CNTNAP2: variants seen among roughly 807,000 people sequenced by gnomAD.
CNTNAP2 encodes contactin-associated protein-like 2.
A neutral mutation model predicts 155.2 loss-of-function variants in CNTNAP2; 98 were observed. That is an observed-to-expected ratio of 0.63 (90% CI 0.54 to 0.75). The LOEUF is 0.75. Among genes scored for constraint, CNTNAP2 ranks in the 30% least tolerant of loss-of-function variants. CNTNAP2 has a pLI of 0.00. For missense variants in CNTNAP2, 1,727 were observed against 1,688.1 expected, an observed-to-expected ratio of 1.02 and a Z score of -0.40; for synonymous variants, 651 against 631.2, an observed-to-expected ratio of 1.03 and a Z score of -0.47.
At chr7:146,495,525 GA>G (rs1797201002) in intron 1 of CNTNAP2, among the ~76,000 whole-genome samples, 1 of 148,586 alleles carries the variant, frequency 6.7e-6, no homozygotes, top group Non-Finnish European at 1.5e-5. Context: ...GAATCAAATG[GA>G]AAGTTCTTGC....
Position 147,138,929 on chromosome 7 carries a change from CTG to C in CNTNAP2, c.1348+6424_1348+6425del, listed in dbSNP as rs1356564583. Among the ~76,000 whole-genome samples the C allele has an allele frequency of 4.0e-5, 6 of 151,846 alleles. No homozygotes were observed. The East Asian group carries it at 7.8e-4, about 20-fold the overall frequency. On this transcript the variant is annotated intron_variant, in intron 8 of 23. Coordinates refer to ENST00000361727, the MANE Select transcript of CNTNAP2 (RefSeq NM_014141.6). ...GCAAAAGGTGCCAATGAGAACCAGA[CTG>C]TGTTTCAAAAGCTTCAGTTTACTGT...
chr7:146,693,849 A>G (rs1800738883), intron 1 of CNTNAP2, among the ~76,000 whole-genome samples: 1 of 152,074 alleles, frequency 6.6e-6, no homozygotes, highest in Admixed American at 6.6e-5. Context: ...TAAGCATAGC[A>G]TGCATTAGCT....
chr7:146,330,039 T>TG (rs1293086097), intron 1 of CNTNAP2, among the ~76,000 whole-genome samples: 1 of 143,854 alleles, frequency 7.0e-6, no homozygotes, highest in Non-Finnish European at 1.5e-5. Context: ...TTTTTTTTTT[T>TG]GAGACAGAGT....
intron 11 of CNTNAP2, among the ~76,000 whole-genome samples, chr7:147,558,924 G>A (rs1032035829): frequency 4.6e-5 from 7 of 152,086 alleles, no homozygotes; most frequent in African/African-American, 1.4e-4. Context: ...TGTATTTTTA[G>A]AAAAGACCAG....
chr7:146,913,295 A>T (rs946004226), intron 3 of CNTNAP2, among the ~76,000 whole-genome samples: 8 of 152,154 alleles, frequency 5.3e-5, no homozygotes, highest in Non-Finnish European at 1.0e-4. Context: ...AGGCTGCAAC[A>T]TTGGTGCCTT....
chr7:147,063,817 A>G (rs1031464636), intron 4 of CNTNAP2, among the ~76,000 whole-genome samples: 28 of 152,166 alleles, frequency 1.8e-4, no homozygotes, highest in Non-Finnish European at 1.0e-4. Context: ...TATTTTCAAT[A>G]TCACATTAAA....
rs573457836 is a variant in CNTNAP2, at chr7:146,121,690, A to G, written c.97+4717A>G. ...TGTGTGAAATAAAATAAATTTTTAT[A>G]TTTATATCTGTACCAGTATCTGAAA... On this transcript the variant is annotated intron_variant, in intron 1 of 23. Coordinates refer to ENST00000361727, the MANE Select transcript of CNTNAP2 (RefSeq NM_014141.6). Among the ~76,000 whole-genome samples, 13 of 152,258 alleles carry G rather than the reference A, an allele frequency of 8.5e-5. No individual in the cohort carries two copies. The East Asian group carries it at 2.3e-3, about 27-fold the overall frequency.
At chr7:147,201,717 G>T (rs775591762) in intron 8 of CNTNAP2, among the ~76,000 whole-genome samples, 13 of 152,138 alleles carry the variant, frequency 8.5e-5, no homozygotes, top group African/African-American at 2.9e-4. Flanking sequence ...ATTGGATAGG[G>T]GCAGGGTGAT....
chr7:148,279,983 G>A (rs1796943489), intron 21 of CNTNAP2, among the ~76,000 whole-genome samples: 1 of 152,156 alleles, frequency 6.6e-6, no homozygotes, highest in African/African-American at 2.4e-5. Flanking sequence ...GGACAGGAGG[G>A]AAGGGGAAGG....
intron 1 of CNTNAP2, among the ~76,000 whole-genome samples, chr7:146,605,818 A>G (rs1252535652): frequency 6.6e-6 from 1 of 152,122 alleles, no homozygotes; most frequent in Non-Finnish European, 1.5e-5. Flanking sequence ...CAGATAGTAG[A>G]TGATTATCTG....
At position 147,485,869 on chromosome 7, in the gene CNTNAP2, G is replaced by A. The variant is rs915247609; in HGVS notation, c.1671-66G>A. On this transcript the variant is annotated intron_variant, in intron 10 of 23. Transcript: ENST00000361727. The stretch of plus-strand genomic sequence containing the variant: ...AATGATATATTGCCCAGACAGCTTG[G>A]AATTTGGCCACTCATAAATCTCATT... 4.0e-6 allele frequency: 6 copies of A among 1,494,422 alleles called. No individual in the cohort carries two copies. In the African/African-American group the frequency reaches 8.3e-5, roughly 21 times the overall value. The allele number at this position is 1,494,422 out of a possible 1,614,324, so 92.6% of individuals were successfully genotyped here.
At chr7:147,710,576 T>A (rs1181568779) in intron 13 of CNTNAP2, among the ~76,000 whole-genome samples, 1 of 152,222 alleles carries the variant, frequency 6.6e-6, no homozygotes, top group African/African-American at 2.4e-5. Context: ...ATGCATTTAT[T>A]TCCATTGGAT....
chr7:147,979,876 G>A (rs911668210), intron 15 of CNTNAP2, among the ~76,000 whole-genome samples: 3 of 152,242 alleles, frequency 2.0e-5, no homozygotes, highest in Non-Finnish European at 2.9e-5. Flanking sequence ...ACACGCCTCG[G>A]CCTCCCAAAG....
In CNTNAP2 at chr7:146,249,375, T is replaced by C. The variant is rs558148469; in HGVS notation, c.97+132402T>C. Among the ~76,000 whole-genome samples, 3 of 152,356 alleles carry C rather than the reference T, an allele frequency of 2.0e-5. No individual in the cohort carries two copies. In the South Asian group the frequency reaches 6.2e-4, roughly 32 times the overall value. ...AAAAAATTCTTCAAATTCAAATTTA[T>C]TTCTGTATCTCTTAATAGAAATGAG... On this transcript the variant is annotated intron_variant, in intron 1 of 23. Transcript: ENST00000361727.
intron 10 of CNTNAP2, among the ~76,000 whole-genome samples, chr7:147,431,985 T>G (rs1212187396): frequency 1.3e-5 from 2 of 152,212 alleles, no homozygotes; most frequent in Non-Finnish European, 2.9e-5. Context: ...ATATCTGGGT[T>G]TGTTTAACAT....
At chr7:146,786,521 G>A (rs1360645503) in intron 2 of CNTNAP2, among the ~76,000 whole-genome samples, 1 of 152,116 alleles carries the variant, frequency 6.6e-6, no homozygotes, top group Non-Finnish European at 1.5e-5. Context: ...TTTGTTAGCT[G>A]CCTTTTCTAT....
intron 1 of CNTNAP2, among the ~76,000 whole-genome samples, chr7:146,587,506 C>T (rs1798711580): frequency 1.3e-5 from 2 of 152,034 alleles, no homozygotes; most frequent in South Asian, 4.1e-4. Flanking sequence ...ATCTCCACGT[C>T]ATCACCTTTT....
chr7:148,234,992 A>G (rs1796020655), intron 20 of CNTNAP2, among the ~76,000 whole-genome samples: 2 of 152,154 alleles, frequency 1.3e-5, no homozygotes, highest in Admixed American at 6.5e-5. Context: ...AAGCTAACAG[A>G]TTTTCTGCAA....
intron 11 of CNTNAP2, among the ~76,000 whole-genome samples, chr7:147,524,366 G>A (rs555028660): frequency 6.6e-6 from 1 of 152,242 alleles, no homozygotes; most frequent in South Asian, 2.1e-4. Context: ...CTCCAGCCTG[G>A]GCAACAAGAG....
Sources: allele counts gnomAD v4.1 joint callset (sites outside exome capture counted in the v4.1 genomes callset), GRCh38; gene constraint gnomAD v4.1.1; transcripts MANE v1.5; gene names NCBI Gene and HGNC (gene_info 2026-07-23, HGNC 2026-07-21).